Variants in RBM20 observed in about 807,000 individuals in gnomAD.
The protein encoded by RBM20 is RNA binding motif protein 20.
RBM20 carries 51 observed loss-of-function variants against 110.1 expected under a neutral mutation model. The ratio of observed to expected loss-of-function variants is 0.46; its 90% CI spans 0.37 to 0.59. RBM20 has a LOEUF of 0.59. Ranked by LOEUF, RBM20 falls within the 20% of genes least tolerant of loss-of-function variation. The pLI is 0.00. For missense variants in RBM20, 1,512 were observed against 1,574.9 expected (o/e 0.96, Z 0.68); for synonymous variants, 589 against 618.2 (o/e 0.95, Z 0.70).
At chr10:110,831,506 G>T (rs188942470) in intron 13 of RBM20, 1 of 203,004 alleles carries the variant, frequency 4.9e-6, no homozygotes, top group East Asian at 1.2e-4. Flanking sequence ...GTTTGGGTTG[G>T]CTTTGGCAAT....
At chr10:110,677,368 G>T (rs1862354025) in intron 1 of RBM20, among the ~76,000 whole-genome samples, 1 of 151,996 alleles carries the variant, frequency 6.6e-6, no homozygotes, top group Non-Finnish European at 1.5e-5. Flanking sequence ...ACCAAGGCTG[G>T]AGTACAGTGG....
At chr10:110,759,463 G>A (rs1373326607) in intron 1 of RBM20, among the ~76,000 whole-genome samples, 1 of 152,204 alleles carries the variant, frequency 6.6e-6, no homozygotes, top group Non-Finnish European at 1.5e-5. Context: ...GAAGAAATAA[G>A]AGAAAAAGAA....
intron 1 of RBM20, among the ~76,000 whole-genome samples, chr10:110,741,422 C>T (rs1489733375): frequency 3.9e-5 from 6 of 152,160 alleles, no homozygotes; most frequent in African/African-American, 1.4e-4. Context: ...GCACCAACAA[C>T]TTCATGTGTC....
At chr10:110,815,866 G>C (rs1336975264) in intron 9 of RBM20, among the ~76,000 whole-genome samples, 2 of 152,124 alleles carry the variant, frequency 1.3e-5, no homozygotes, top group Admixed American at 1.3e-4. Flanking sequence ...CCCTGGAGTG[G>C]GGTCAGTAGG....
At position 110,648,395 on chromosome 10, in the gene RBM20, C is replaced by T. The variant is rs762300667; in HGVS notation, c.191+3750C>T. Among the ~76,000 whole-genome samples, 79 of 152,190 alleles carry T rather than the reference C, an allele frequency of 5.2e-4. 2 individuals are homozygous for T. Among genetic ancestry groups the T allele is most frequent in the Non-Finnish European group, 1.0e-4 (7 of 68,030 alleles). On this transcript the variant is annotated intron_variant, in intron 1 of 13. Coordinates refer to ENST00000369519, the MANE Select transcript of RBM20 (RefSeq NM_001134363.3). ...TCCGTGTAACTGTTAGGGAGTCATT[C>T]GCAGGCAAGTTGTGTATGATGTTCA...
At chr10:110,806,646 C>G (rs887939243) in intron 7 of RBM20, among the ~76,000 whole-genome samples, 1 of 152,170 alleles carries the variant, frequency 6.6e-6, no homozygotes, top group Non-Finnish European at 1.5e-5. Flanking sequence ...CAAACCATAT[C>G]AAAATGCAAC....
Position 110,810,974 on chromosome 10 carries a change from G to A in RBM20, c.1880+512G>A, listed in dbSNP as rs116665429. ...CAGTTATTTGAACAGTCACTTTCTC[G>A]AAACATTGAATATATTCAGTTTTCC... On this transcript the variant is annotated intron_variant, in intron 8 of 13. Coordinates refer to ENST00000369519, the MANE Select transcript of RBM20 (RefSeq NM_001134363.3). 4.0e-3 allele frequency among the ~76,000 whole-genome samples: 607 copies of A among 152,270 alleles called. 3 individuals carry two copies. Among genetic ancestry groups the A allele is most frequent in the African/African-American group, 0.014 (574 of 41,548 alleles).
intron 13 of RBM20, among the ~76,000 whole-genome samples, chr10:110,832,646 T>C (rs1845071912): frequency 6.6e-6 from 1 of 152,222 alleles, no homozygotes; most frequent in Non-Finnish European, 1.5e-5. Context: ...TGGTGAGTTA[T>C]TGGGCCTAGG....
At chr10:110,692,767 T>C (rs930804772) in intron 1 of RBM20, among the ~76,000 whole-genome samples, 1 of 152,188 alleles carries the variant, frequency 6.6e-6, no homozygotes, top group Admixed American at 6.6e-5. Context: ...GTTTAGAACT[T>C]CTAGTATTAT....
intron 6 of RBM20, among the ~76,000 whole-genome samples, chr10:110,799,413 AGATGG>A (rs1455095304): frequency 6.6e-6 from 1 of 152,242 alleles, no homozygotes; most frequent in African/African-American, 2.4e-5. Flanking sequence ...CTCTTTGAAC[AGATGG>A]GATCAAAGAG....
At chr10:110,717,299 C>T (rs1863033855) in intron 1 of RBM20, among the ~76,000 whole-genome samples, 1 of 152,196 alleles carries the variant, frequency 6.6e-6, no homozygotes, top group Admixed American at 6.5e-5. Context: ...TTTAGAAGTA[C>T]TGTTGGGACC....
chr10:110,743,043 C>T (rs1843739472), intron 1 of RBM20, among the ~76,000 whole-genome samples: 2 of 152,212 alleles, frequency 1.3e-5, no homozygotes, highest in African/African-American at 4.8e-5. Context: ...AGCCATCACT[C>T]TCAGAGCACC....
intron 1 of RBM20, among the ~76,000 whole-genome samples, chr10:110,666,045 A>C (rs1019516876): frequency 3.3e-5 from 5 of 151,094 alleles, no homozygotes; most frequent in Non-Finnish European, 7.4e-5. Context: ...GGAAAGAAAG[A>C]AAGCAGTTAT....
chr10:110,690,726 C>A (rs1308156180), intron 1 of RBM20, among the ~76,000 whole-genome samples: 1 of 152,140 alleles, frequency 6.6e-6, no homozygotes, highest in African/African-American at 2.4e-5. Context: ...AAATTGTATT[C>A]CTTTTTATGG....
At chr10:110,657,841 G>A (rs1862046921) in intron 1 of RBM20, among the ~76,000 whole-genome samples, 1 of 152,100 alleles carries the variant, frequency 6.6e-6, no homozygotes, top group African/African-American at 2.4e-5. Context: ...TAAATTTCTA[G>A]GCCAATGATA....
chr10:110,664,478 G>C (rs1862149566), intron 1 of RBM20, among the ~76,000 whole-genome samples: 1 of 152,202 alleles, frequency 6.6e-6, no homozygotes. Flanking sequence ...CGGGCTTGGT[G>C]GCTCATGCCT....
chr10:110,824,455 T>A (rs1844957803), intron 12 of RBM20, among the ~76,000 whole-genome samples: 1 of 152,234 alleles, frequency 6.6e-6, no homozygotes, highest in South Asian at 2.1e-4. Context: ...CAGGGAGACC[T>A]GGGTTTCTGT....
At chr10:110,653,401 A>G (rs965066123) in intron 1 of RBM20, among the ~76,000 whole-genome samples, 4 of 152,136 alleles carry the variant, frequency 2.6e-5, no homozygotes, top group Admixed American at 6.5e-5. Flanking sequence ...TCTTTTCCTG[A>G]ACTATTTGAA....
intron 1 of RBM20, among the ~76,000 whole-genome samples, chr10:110,696,065 C>T (rs1427667391): frequency 1.3e-5 from 2 of 152,204 alleles, no homozygotes; most frequent in Non-Finnish European, 2.9e-5. Context: ...GCCAATCAGT[C>T]TCCTTAGTGG....
Sources: allele counts gnomAD v4.1 joint callset (sites outside exome capture counted in the v4.1 genomes callset), GRCh38; gene constraint gnomAD v4.1.1; transcripts MANE v1.5; gene names NCBI Gene and HGNC (gene_info 2026-07-23, HGNC 2026-07-21).